WDR47: variants seen among roughly 807,000 people sequenced by gnomAD.
WDR47 encodes WD repeat domain 47.
WDR47 carries 32 observed loss-of-function variants against 97.2 expected under a neutral mutation model. The ratio of observed to expected loss-of-function variants is 0.33; its 90% CI spans 0.25 to 0.44. WDR47 has a LOEUF of 0.44. Ranked by LOEUF, WDR47 falls within the 20% of genes least tolerant of loss-of-function variation. WDR47 has a pLI of 1.00. For synonymous variants in WDR47, 375 were observed against 373.5 expected, an observed-to-expected ratio of 1.00 and a Z score of -0.05; for missense variants, 782 against 1,102.3, an observed-to-expected ratio of 0.71 and a Z score of 4.11.
chr1:108,978,705 C>A (rs1658117827), intron 13 of WDR47, among the ~76,000 whole-genome samples: 1 of 151,838 alleles, frequency 6.6e-6, no homozygotes, highest in Non-Finnish European at 1.5e-5. Context: ...AGAATAATAC[C>A]CAGAAAGGTA....
intron 8 of WDR47, 36 bp from the exon 9 acceptor site, chr1:108,991,365 T>C (rs761169120): frequency 3.2e-6 from 5 of 1,557,190 alleles, no homozygotes; most frequent in Non-Finnish European, 3.5e-6. Flanking sequence ...GTTTACTCCA[T>C]GTATCAAAAT....
At chr1:109,041,730 G>C (rs1470710306) in intron 1 of WDR47, 132 bp downstream of exon 1, 1 of 152,230 alleles carries the variant, frequency 6.6e-6, no homozygotes, top group Non-Finnish European at 1.5e-5. Flanking sequence ...ACCCCTCTCC[G>C]GGGCCGCAAA....
intron 13 of WDR47, among the ~76,000 whole-genome samples, chr1:108,981,419 T>C (rs1014918854): frequency 1.3e-5 from 2 of 152,160 alleles, no homozygotes; most frequent in Non-Finnish European, 2.9e-5. Context: ...CACTCTTTTG[T>C]TCAATTTCAC....
In WDR47 at chr1:108,971,155, T is replaced by C. The variant is rs139950222; in HGVS notation, c.*275A>G. ...CCGTAAACACATTGTCCATCCTGAC[T>C]TGGAGTGCACACCAACAACTGAAGA... On this transcript the variant is annotated 3_prime_UTR_variant, in exon 15 of 15. Transcript: ENST00000369962. The C allele has an allele frequency of 8.1e-5, 30 of 370,850 alleles. No homozygotes were observed. The East Asian group carries it at 1.3e-3, about 16-fold the overall frequency. 23.0% of individuals were successfully genotyped at this position (370,850 alleles called of 1,614,324 possible). A position where few individuals can be genotyped will look rare whatever the true frequency, so the allele number is the denominator to read the frequency against.
intron 7 of WDR47, among the ~76,000 whole-genome samples, chr1:109,000,149 T>A (rs2101895804): frequency 6.6e-6 from 1 of 152,168 alleles, no homozygotes; most frequent in East Asian, 1.9e-4. Flanking sequence ...AGTTCAAGGT[T>A]ACAGTGAGCT....
At chr1:109,040,655 A>G (rs1242874533) in intron 1 of WDR47, among the ~76,000 whole-genome samples, 1 of 152,240 alleles carries the variant, frequency 6.6e-6, no homozygotes, top group Admixed American at 6.5e-5. Flanking sequence ...ATTGGAAGCA[A>G]TCTCTCCTAA....
intron 9 of WDR47, among the ~76,000 whole-genome samples, chr1:108,990,207 A>G (rs547638422): frequency 6.6e-6 from 1 of 152,020 alleles, no homozygotes; most frequent in African/African-American, 2.4e-5. Flanking sequence ...ATTAATATAT[A>G]TACATACATA....
At chr1:109,020,484 G>C (rs923134099) in intron 2 of WDR47, among the ~76,000 whole-genome samples, 1 of 151,998 alleles carries the variant, frequency 6.6e-6, no homozygotes, top group African/African-American at 2.4e-5. Flanking sequence ...GGATGGTCTC[G>C]ATCTCCTGAC....
In WDR47 at chr1:108,981,762, C is replaced by T; in HGVS notation, c.2369G>A (p.Arg790His). Residue 790 changes from arginine to histidine, a missense_variant, in exon 13 of 15, where the codon CGT becomes CAT. Transcript: ENST00000369962. The part of the protein sequence containing the change: ...FWDLRVPSCV[R>H]VVGTTFHGTG... ...TCCATGAAATGTTGTGCCAACAACACGAACACAACTTGGTACTCGAAGATC... is the reference window on the plus strand; with the variant it reads ...TCCATGAAATGTTGTGCCAACAACATGAACACAACTTGGTACTCGAAGATC... 6.2e-7 allele frequency: 1 copy of T among 1,613,146 alleles called. No individual in the cohort carries two copies. The highest frequency in any genetic ancestry group is 8.5e-7 in the Non-Finnish European group (1 of 1,179,576).
At chr1:108,983,492 T>C in intron 10 of WDR47, 41 bp from the exon 11 acceptor site, 1 of 1,499,022 alleles carries the variant, frequency 6.7e-7, no homozygotes. Flanking sequence ...AATTTCTTGC[T>C]TGCTACAATC....
At position 109,011,000 on chromosome 1, in the gene WDR47, T is replaced by C; in HGVS notation, c.1046A>G (p.His349Arg). The C allele has an allele frequency of 1.2e-6, 2 of 1,614,158 alleles. No individual in the cohort carries two copies. Among genetic ancestry groups the C allele is most frequent in the South Asian group, 1.1e-5 (1 of 91,088 alleles). ...SPMSHSFANF[H>R]YPGVQNLSRS... The stretch of plus-strand genomic sequence containing the variant: ...ACTGAGGTTTTGTACCCCTGGATAA[T>C]GGAAGTTAGCAAAGGAGTGTGACAT... The change falls in exon 5 of 15, where the codon CAT becomes CGT. Residue 349 changes from histidine (H) to arginine (R), a missense_variant. Coordinates refer to ENST00000369962, the MANE Select transcript of WDR47 (RefSeq NM_001142551.2).
chr1:109,013,854 T>C lies in WDR47; in HGVS notation c.314A>G (p.Asp105Gly). The C allele has an allele frequency of 1.2e-6, 2 of 1,613,732 alleles. No homozygotes were observed. Among genetic ancestry groups the C allele is most frequent in the Non-Finnish European group, 1.7e-6 (2 of 1,179,946 alleles). ...TAAAAATCTTACATGCTGGGGCTCA[T>C]CTTCTGCTGACATCGCGTTGTTAAC... The part of the protein sequence containing the change: ...LCVNNAMSAE[D>G]EPQHLEFTMQ... The change falls in exon 4 of 15, where the codon GAT becomes GGT. Residue 105 changes from aspartate to glycine, a missense_variant. Physicochemically the swap from Asp to Gly is moderately conservative, Grantham distance 94 (BLOSUM62 -1). Coordinates refer to ENST00000369962, the MANE Select transcript of WDR47 (RefSeq NM_001142551.2).
intron 5 of WDR47, among the ~76,000 whole-genome samples, chr1:109,010,143 T>C (rs746025290): frequency 1.8e-4 from 28 of 152,216 alleles, no homozygotes; most frequent in Non-Finnish European, 3.4e-4. Context: ...ATTATATCTA[T>C]AACCAGCAAA....
At chr1:109,017,079 C>T (rs1402390000) in intron 3 of WDR47, among the ~76,000 whole-genome samples, 1 of 152,196 alleles carries the variant, frequency 6.6e-6, no homozygotes, top group African/African-American at 2.4e-5. Context: ...TGCCACTGCA[C>T]ATCAGCCTGG....
intron 3 of WDR47, among the ~76,000 whole-genome samples, chr1:109,016,664 C>T (rs1661440941): frequency 6.6e-6 from 1 of 151,990 alleles, no homozygotes; most frequent in Non-Finnish European, 1.5e-5. Context: ...CATTTTGAGG[C>T]TACCTAAGTT....
chr1:109,023,038 A>C (rs1277019925), intron 2 of WDR47, among the ~76,000 whole-genome samples: 1 of 151,402 alleles, frequency 6.6e-6, no homozygotes, highest in Admixed American at 6.6e-5. Flanking sequence ...CCCCATCTCT[A>C]CTAAAAATAC....
At chr1:109,040,780 C>T (rs1029844632) in intron 1 of WDR47, among the ~76,000 whole-genome samples, 4 of 152,028 alleles carry the variant, frequency 2.6e-5, no homozygotes, top group African/African-American at 9.7e-5. Context: ...TAGTAAAATG[C>T]CAATGCAACA....
At chr1:109,003,854 C>G (rs1191533673) in intron 6 of WDR47, among the ~76,000 whole-genome samples, 2 of 152,022 alleles carry the variant, frequency 1.3e-5, no homozygotes, top group African/African-American at 4.8e-5. Context: ...CACAAAAACA[C>G]CAAAGAAAAA....
At chr1:109,002,997 G>GA (rs1660329673) in intron 6 of WDR47, among the ~76,000 whole-genome samples, 1 of 152,126 alleles carries the variant, frequency 6.6e-6, no homozygotes, top group East Asian at 1.9e-4. Context: ...CCACCTAAAG[G>GA]AAAATAAGTC....
Sources: gnomAD v4.1 joint callset for allele counts (sites outside exome capture counted in the v4.1 genomes callset) on GRCh38, gnomAD v4.1.1 for gene constraint, MANE v1.5 for transcripts, NCBI Gene and HGNC (gene_info 2026-07-23, HGNC 2026-07-21) for gene names.